Variants in SGPL1 observed in about 807,000 individuals in gnomAD.
SGPL1 encodes sphingosine-1-phosphate lyase 1, also known as SP-lyase 1.
Under a neutral mutation model 68.9 loss-of-function variants are expected in SGPL1, and 37 were observed. The ratio of observed to expected loss-of-function variants is 0.54; its 90% CI spans 0.41 to 0.71. SGPL1 has a LOEUF of 0.71. SGPL1 is among the 30% of genes least tolerant of loss of function. The pLI is 0.00. For missense variants in SGPL1, 551 were observed against 704.6 expected, an observed-to-expected ratio of 0.78 and a Z score of 2.47; for synonymous variants, 236 against 248.5, an observed-to-expected ratio of 0.95 and a Z score of 0.47.
intron 3 of SGPL1, among the ~76,000 whole-genome samples, chr10:70,846,863 A>C (rs1019806946): frequency 1.1e-4 from 17 of 152,266 alleles, no homozygotes; most frequent in Admixed American, 8.5e-4. Flanking sequence ...AAATTGAGCT[A>C]ATTAACATGC....
chr10:70,847,238 C>G (rs1294935967), intron 3 of SGPL1, among the ~76,000 whole-genome samples: 1 of 152,106 alleles, frequency 6.6e-6, no homozygotes, highest in African/African-American at 2.4e-5. Context: ...ACCTCTGCCT[C>G]CCGGGTTCAA....
intron 2 of SGPL1, among the ~76,000 whole-genome samples, chr10:70,819,058 T>C (rs150219277): frequency 2.3e-3 from 352 of 152,356 alleles, no homozygotes; most frequent in African/African-American, 8.2e-3. Flanking sequence ...ATGTAAATTA[T>C]AGGTTCTTAT....
chr10:70,865,763 T>C (rs553343160), intron 7 of SGPL1, among the ~76,000 whole-genome samples: 11 of 152,374 alleles, frequency 7.2e-5, no homozygotes, highest in Admixed American at 5.9e-4. Context: ...TCAGTTACAA[T>C]GATAGAGGTA....
chr10:70,837,137 G>A (rs1181854015), intron 2 of SGPL1, among the ~76,000 whole-genome samples: 1 of 151,562 alleles, frequency 6.6e-6, no homozygotes, highest in Non-Finnish European at 1.5e-5. Context: ...GAGTACAGTG[G>A]TACGATCTTG....
At chr10:70,835,891 T>G (rs1263845464) in intron 2 of SGPL1, among the ~76,000 whole-genome samples, 1 of 152,182 alleles carries the variant, frequency 6.6e-6, no homozygotes, top group Non-Finnish European at 1.5e-5. Context: ...GAACATTTCC[T>G]TGAGTGAATA....
intron 1 of SGPL1, among the ~76,000 whole-genome samples, chr10:70,816,351 C>T (rs1429558353): frequency 6.6e-6 from 1 of 151,430 alleles, no homozygotes; most frequent in Non-Finnish European, 1.5e-5. Flanking sequence ...GGGTCTGGAG[C>T]CCACGCCTGC....
intron 2 of SGPL1, among the ~76,000 whole-genome samples, chr10:70,822,040 G>A (rs1403894983): frequency 6.6e-6 from 1 of 152,260 alleles, no homozygotes; most frequent in Middle Eastern, 3.4e-3. Context: ...GTCCTTGAGC[G>A]TCTTTATCTG....
intron 14 of SGPL1, 115 bp downstream of exon 14, chr10:70,876,776 T>A: frequency 1.1e-6 from 1 of 951,466 alleles, no homozygotes; most frequent in East Asian, 2.4e-5. Context: ...GCCACAGACA[T>A]CTTTTATTTG....
At chr10:70,842,737 G>A (rs537105519) in intron 2 of SGPL1, among the ~76,000 whole-genome samples, 13 of 152,154 alleles carry the variant, frequency 8.5e-5, no homozygotes, top group Admixed American at 5.2e-4. Context: ...CTCCAATGTC[G>A]GGAATCACAT....
intron 2 of SGPL1, among the ~76,000 whole-genome samples, chr10:70,827,532 G>A (rs1845458535): frequency 6.6e-6 from 1 of 152,162 alleles, no homozygotes; most frequent in African/African-American, 2.4e-5. Flanking sequence ...AACTTCAAAT[G>A]TATGATAAAT....
intron 4 of SGPL1, among the ~76,000 whole-genome samples, chr10:70,852,706 A>G (rs200673035): frequency 4.4e-4 from 64 of 145,942 alleles, no homozygotes; most frequent in Middle Eastern, 3.6e-3. Context: ...ACATGTGTGT[A>G]TGTGTGTGTG....
intron 14 of SGPL1, among the ~76,000 whole-genome samples, chr10:70,876,898 T>C (rs1311297806): frequency 3.9e-5 from 6 of 152,198 alleles, no homozygotes. Flanking sequence ...TAAAAGCAGC[T>C]GGTGGTAGTG....
intron 12 of SGPL1, 47 bp from the exon 13 acceptor site, chr10:70,875,355 G>A (rs1377727527): frequency 4.7e-6 from 6 of 1,263,522 alleles, no homozygotes; most frequent in African/African-American, 1.5e-5. Flanking sequence ...GGGATTGTAT[G>A]TGACTGAATT....
intron 2 of SGPL1, among the ~76,000 whole-genome samples, chr10:70,827,595 T>C (rs1442234837): frequency 6.6e-6 from 1 of 152,218 alleles, no homozygotes; most frequent in African/African-American, 2.4e-5. Flanking sequence ...CCTAGCCCAT[T>C]ATTCAGGCTT....
At chr10:70,843,100 T>C (rs1845741355) in intron 2 of SGPL1, among the ~76,000 whole-genome samples, 1 of 152,262 alleles carries the variant, frequency 6.6e-6, no homozygotes. Flanking sequence ...GAGAATTTTC[T>C]TTCATCCTTT....
At chr10:70,834,134 A>G (rs1327042204) in intron 2 of SGPL1, among the ~76,000 whole-genome samples, 1 of 152,158 alleles carries the variant, frequency 6.6e-6, no homozygotes, top group Non-Finnish European at 1.5e-5. Context: ...TCATCTTTTA[A>G]TAAAAGAAAA....
At chr10:70,849,331 AAAATATGTTTAG>A (rs1845840269) in intron 3 of SGPL1, among the ~76,000 whole-genome samples, 1 of 152,248 alleles carries the variant, frequency 6.6e-6, no homozygotes, top group Non-Finnish European at 1.5e-5. Context: ...TATAACATTA[AAAATATGTTTAG>A]AAAGAATTGT....
intron 12 of SGPL1, among the ~76,000 whole-genome samples, chr10:70,874,389 C>T (rs1464175761): frequency 2.0e-5 from 3 of 152,096 alleles, no homozygotes; most frequent in Non-Finnish European, 2.9e-5. Flanking sequence ...AAAGACCAAC[C>T]GGAGCAACAT....
intron 7 of SGPL1, chr10:70,860,565 G>A (rs1466638586): frequency 4.9e-6 from 2 of 407,058 alleles, no homozygotes; most frequent in Non-Finnish European, 9.8e-6. Context: ...TTAGAGTACT[G>A]AGGTGAACAG....
Sources: gnomAD v4.1 joint callset for allele counts (sites outside exome capture counted in the v4.1 genomes callset) on GRCh38, gnomAD v4.1.1 for gene constraint, MANE v1.5 for transcripts, NCBI Gene and HGNC (gene_info 2026-07-23, HGNC 2026-07-21) for gene names.